Variants in PTPDC1 observed in about 807,000 individuals in gnomAD.
PTPDC1 encodes protein tyrosine phosphatase domain containing 1, also known as protein tyrosine phosphatase domain-containing protein 1.
In PTPDC1, 53 loss-of-function variants were observed where a neutral mutation model predicts 75.3. The ratio of observed to expected loss-of-function variants is 0.70; its 90% CI spans 0.56 to 0.88. The LOEUF (loss-of-function observed/expected upper bound fraction) is 0.88. Among genes scored for constraint, PTPDC1 ranks in the 40% least tolerant of loss-of-function variants. PTPDC1 has a pLI of 0.00. For synonymous variants in PTPDC1, 349 were observed against 366.2 expected, an observed-to-expected ratio of 0.95 and a Z score of 0.54; for missense variants, 925 against 998.6, an observed-to-expected ratio of 0.93 and a Z score of 0.99.
chr9:94,105,845 C>T (rs987709339), intron 8 of PTPDC1, among the ~76,000 whole-genome samples: 3 of 151,346 alleles, frequency 2.0e-5, no homozygotes, highest in Non-Finnish European at 2.9e-5. Context: ...TGGTGGCAGG[C>T]GCCTGTAGTC....
chr9:94,045,528 T>A (rs1825568481), intron 1 of PTPDC1, among the ~76,000 whole-genome samples: 2 of 152,112 alleles, frequency 1.3e-5, no homozygotes, highest in African/African-American at 4.8e-5. Flanking sequence ...TTTTTAATGA[T>A]CGCCATTCTA....
At chr9:94,096,532 G>A (rs995768244) in intron 5 of PTPDC1, among the ~76,000 whole-genome samples, 3 of 151,858 alleles carry the variant, frequency 2.0e-5, no homozygotes, top group Non-Finnish European at 2.9e-5. Context: ...TTAATTGACT[G>A]TTATATTTGA....
At chr9:94,094,455 C>T (rs1054132241) in intron 4 of PTPDC1, among the ~76,000 whole-genome samples, 1 of 152,180 alleles carries the variant, frequency 6.6e-6, no homozygotes, top group African/African-American at 2.4e-5. Flanking sequence ...CAGCTGCGTG[C>T]TGGGAGAACC....
chr9:94,068,471 T>C (rs1200778079), intron 2 of PTPDC1, among the ~76,000 whole-genome samples: 2 of 152,260 alleles, frequency 1.3e-5, no homozygotes, highest in South Asian at 2.1e-4. Context: ...AGATTATGCA[T>C]TTTTGGTAGA....
At chr9:94,081,528 TA>T (rs1011800405), upstream of PTPDC1, among the ~76,000 whole-genome samples, 8 of 151,298 alleles carry the variant, frequency 5.3e-5, no homozygotes, top group African/African-American at 2.4e-5. Flanking sequence ...GTGCTGTCTT[TA>T]AAAAAAAATT....
chr9:94,056,020 G>T (rs1447847091), intron 1 of PTPDC1, among the ~76,000 whole-genome samples: 1 of 152,108 alleles, frequency 6.6e-6, no homozygotes, highest in South Asian at 2.1e-4. Flanking sequence ...TTACCACTCT[G>T]TTGGGGAGTC....
intron 4 of PTPDC1, among the ~76,000 whole-genome samples, chr9:94,093,275 G>T (rs1381748436): frequency 6.7e-6 from 1 of 149,122 alleles, no homozygotes; most frequent in South Asian, 2.2e-4. Flanking sequence ...TTTAGGGCAG[G>T]CCTGGTGGTG....
chr9:94,088,374 A>G lies in PTPDC1; in HGVS notation c.616+111A>G, dbSNP rs1022764636. On this transcript the variant is annotated intron_variant, in intron 4 of 8. Coordinates refer to ENST00000620992, the MANE Select transcript of PTPDC1 (RefSeq NM_001253829.2). Reference sequence around the variant, plus strand: ...GATGGAAATAAATACCTTCTGCATCATAGTAAGGTTTAGAAAAAATGAGCT... The same window carrying G: ...GATGGAAATAAATACCTTCTGCATCGTAGTAAGGTTTAGAAAAAATGAGCT... The G allele has an allele frequency of 3.9e-6, 5 of 1,283,450 alleles. No individual in the cohort carries two copies. In the African/African-American group the frequency reaches 6.0e-5, roughly 15 times the overall value. 79.5% of individuals were successfully genotyped at this position (1,283,450 alleles called of 1,614,324 possible). A position where few individuals can be genotyped will look rare whatever the true frequency, so the allele number is the denominator to read the frequency against.
chr9:94,045,020 T>A (rs1338698441), intron 1 of PTPDC1, among the ~76,000 whole-genome samples: 3 of 117,300 alleles, frequency 2.6e-5, no homozygotes, highest in Admixed American at 2.3e-4. Context: ...CAGTTCTCGG[T>A]GTGTGATGTT....
upstream of PTPDC1, among the ~76,000 whole-genome samples, chr9:94,081,241 C>T (rs1194661842): frequency 1.3e-5 from 2 of 152,196 alleles, no homozygotes; most frequent in Non-Finnish European, 2.9e-5. Flanking sequence ...CTGCCCTCCT[C>T]AGCCTCCCAA....
At chr9:94,076,252 C>T (rs1479196818) in intron 2 of PTPDC1, among the ~76,000 whole-genome samples, 1 of 152,170 alleles carries the variant, frequency 6.6e-6, no homozygotes, top group Non-Finnish European at 1.5e-5. Context: ...AATCCACCTG[C>T]CTCAGCCTCC....
At chr9:94,050,284 G>A (rs1028587149) in intron 1 of PTPDC1, among the ~76,000 whole-genome samples, 13 of 152,296 alleles carry the variant, frequency 8.5e-5, no homozygotes, top group East Asian at 3.9e-4. Flanking sequence ...GAGGAGGAGA[G>A]GCGCTCTGAT....
upstream of PTPDC1, chr9:94,084,280 A>T: frequency 2.6e-6 from 1 of 377,842 alleles, no homozygotes. Flanking sequence ...CAATATATTT[A>T]AAATTTATAT....
intron 5 of PTPDC1, among the ~76,000 whole-genome samples, chr9:94,096,932 G>A (rs921660739): frequency 6.6e-6 from 1 of 152,126 alleles, no homozygotes; most frequent in African/African-American, 2.4e-5. Flanking sequence ...TGTTCAGAGT[G>A]GAAAATAGAA....
intron 6 of PTPDC1, 134 bp downstream of exon 6, chr9:94,098,713 G>A (rs751940920): frequency 2.5e-6 from 2 of 795,028 alleles, no homozygotes; most frequent in Non-Finnish European, 4.0e-6. Context: ...CTAACTTCAG[G>A]TTTCTCGTCT....
upstream of PTPDC1, chr9:94,084,357 A>T: frequency 2.0e-6 from 2 of 997,948 alleles, no homozygotes; most frequent in Non-Finnish European, 2.8e-6. Flanking sequence ...TTGCCTGTTC[A>T]GATCTAAGTG....
chr9:94,068,286 A>G (rs1303075734), intron 2 of PTPDC1, among the ~76,000 whole-genome samples: 1 of 152,178 alleles, frequency 6.6e-6, no homozygotes, highest in East Asian at 1.9e-4. Flanking sequence ...AGTCCCAATA[A>G]TATCCTTTAA....
intron 6 of PTPDC1, among the ~76,000 whole-genome samples, chr9:94,098,974 T>C (rs1827734362): frequency 6.6e-6 from 1 of 152,204 alleles, no homozygotes; most frequent in South Asian, 2.1e-4. Context: ...CAGACATAAA[T>C]AAAATGTTTA....
intron 1 of PTPDC1, among the ~76,000 whole-genome samples, chr9:94,042,757 T>G (rs1019903663): frequency 1.3e-5 from 2 of 152,204 alleles, no homozygotes; most frequent in Admixed American, 1.3e-4. Flanking sequence ...CTGTAGCATG[T>G]GATGCTGTTT....
Sources: allele counts gnomAD v4.1 joint callset (sites outside exome capture counted in the v4.1 genomes callset), GRCh38; gene constraint gnomAD v4.1.1; transcripts MANE v1.5; gene names NCBI Gene and HGNC (gene_info 2026-07-23, HGNC 2026-07-21).